Variants in TXNL1 observed in about 807,000 individuals in gnomAD.
TXNL1 encodes thioredoxin like 1.
A neutral mutation model predicts 35.5 loss-of-function variants in TXNL1; 14 were observed. The observed-to-expected ratio is 0.39, with a 90% CI of 0.26 to 0.62. TXNL1 has a LOEUF of 0.62. Among genes scored for constraint, TXNL1 ranks in the 20% least tolerant of loss-of-function variants. TXNL1 has a pLI of 0.47. For synonymous variants in TXNL1, 110 were observed against 115.5 expected, an observed-to-expected ratio of 0.95 and a Z score of 0.31; for missense variants, 263 against 349.7, an observed-to-expected ratio of 0.75 and a Z score of 1.98.
At chr18:56,613,941 G>A (rs1427617795) in intron 6 of TXNL1, among the ~76,000 whole-genome samples, 1 of 151,946 alleles carries the variant, frequency 6.6e-6, no homozygotes, top group Non-Finnish European at 1.5e-5. Flanking sequence ...GCTGAGGCGG[G>A]AAGATTATTT....
intron 3 of TXNL1, among the ~76,000 whole-genome samples, chr18:56,621,934 A>AGGGGCC (rs2144313931): frequency 6.8e-6 from 1 of 147,782 alleles, no homozygotes; most frequent in South Asian, 2.2e-4. Flanking sequence ...CGGCAGGGGC[A>AGGGGCC]GGGGCCAGGG....
At position 56,600,416 on chromosome 18, in the gene TXNL1, T is replaced by C. The variant is rs2023797558; in HGVS notation, c.*2611A>G. ...AACAAAGTGGGGCAGGTTTCAACTC[T>C]AATTGTTACGTGGCTGCCTCCAACA... is the stretch of plus-strand genomic sequence containing the variant. On this transcript the variant is annotated 3_prime_UTR_variant, in exon 8 of 8. Coordinates refer to ENST00000217515, the MANE Select transcript of TXNL1 (RefSeq NM_004786.3). 6.8e-6 allele frequency: 1 copy of C among 146,860 alleles called. No individual in the cohort carries two copies. The highest frequency in any genetic ancestry group is 2.5e-5 in the African/African-American group (1 of 40,128). 9.1% of individuals were successfully genotyped at this position (146,860 alleles called of 1,614,324 possible).
At chr18:56,632,427 T>C (rs553255496) in intron 1 of TXNL1, among the ~76,000 whole-genome samples, 1 of 152,320 alleles carries the variant, frequency 6.6e-6, no homozygotes, top group East Asian at 1.9e-4. Flanking sequence ...ACTTACTGTA[T>C]GTTACGCATT....
chr18:56,630,203 GAAA>G (rs577790535), intron 1 of TXNL1, among the ~76,000 whole-genome samples: 1 of 83,618 alleles, frequency 1.2e-5, no homozygotes, highest in Non-Finnish European at 2.6e-5. Context: ...ACTTGGAAAA[GAAA>G]AAAAAAAAAA....
chr18:56,614,677 C>T, intron 5 of TXNL1, 81 bp from the exon 6 acceptor site: 1 of 1,079,314 alleles, frequency 9.3e-7, no homozygotes. Context: ...TCACACTATA[C>T]ACAGACACAC....
intron 7 of TXNL1, chr18:56,609,901 GA>G: frequency 6.6e-6 from 1 of 152,170 alleles, no homozygotes; most frequent in Non-Finnish European, 1.5e-5. Context: ...ATAGTAATTG[GA>G]AAACAACCAG....
chr18:56,611,031 T>C lies in TXNL1; in HGVS notation c.802A>G (p.Thr268Ala). Residue 268 changes from threonine to alanine, a missense_variant, in exon 7 of 8, where the codon ACT becomes GCT. Coordinates refer to ENST00000217515, the MANE Select transcript of TXNL1 (RefSeq NM_004786.3). ...TRISYFTFIG[T>A]PVQATNMNDF... ...TTCATATTTGTTGCCTGGACTGGAGTACCAATAAAAGTAAAATATGAAATT... is the reference window on the plus strand; with the variant it reads ...TTCATATTTGTTGCCTGGACTGGAGCACCAATAAAAGTAAAATATGAAATT... 2 of 1,608,260 alleles carry C rather than the reference T, an allele frequency of 1.2e-6. No individual in the cohort carries two copies. Among genetic ancestry groups the C allele is most frequent in the Non-Finnish European group, 1.7e-6 (2 of 1,178,050 alleles).
intron 3 of TXNL1, among the ~76,000 whole-genome samples, chr18:56,618,438 G>A (rs1272022645): frequency 2.6e-5 from 4 of 152,114 alleles, no homozygotes. Flanking sequence ...ATATCCGTAA[G>A]ATCCAAAGAA....
At position 56,601,981 on chromosome 18, in the gene TXNL1, CA is replaced by C. The variant is rs1264298810; in HGVS notation, c.*1045del. ...ATTTACACTGCACGTTTTGGTAGTT[CA>C]GGTAATAAATACTTGATTAAGGGTA... On this transcript the variant is annotated 3_prime_UTR_variant, in exon 8 of 8. Coordinates refer to ENST00000217515, the MANE Select transcript of TXNL1 (RefSeq NM_004786.3). 1 of 152,080 alleles carries C rather than the reference CA, an allele frequency of 6.6e-6. No homozygotes were observed. Among genetic ancestry groups the C allele is most frequent in the Non-Finnish European group, 1.5e-5 (1 of 68,012 alleles). The allele number at this position is 152,080 out of a possible 1,614,324, so 9.4% of individuals were successfully genotyped here.
At chr18:56,626,066 G>C (rs537067628) in intron 2 of TXNL1, 1 of 541,058 alleles carries the variant, frequency 1.8e-6, no homozygotes, top group Admixed American at 5.3e-5. Flanking sequence ...ATAATTCTAG[G>C]TTTGCAAAAC....
intron 5 of TXNL1, among the ~76,000 whole-genome samples, chr18:56,615,950 G>A (rs1259873655): frequency 1.3e-5 from 2 of 151,786 alleles, no homozygotes; most frequent in Admixed American, 6.6e-5. Flanking sequence ...GCCAACAGAT[G>A]GTGAAATCCT....
intron 2 of TXNL1, among the ~76,000 whole-genome samples, chr18:56,625,994 A>C (rs911266021): frequency 2.6e-5 from 4 of 152,238 alleles, no homozygotes; most frequent in Non-Finnish European, 5.9e-5. Flanking sequence ...TGATCAATTC[A>C]AACTACAACC....
chr18:56,626,795 G>C (rs991103261), intron 1 of TXNL1, among the ~76,000 whole-genome samples: 1 of 29,050 alleles, frequency 3.4e-5, no homozygotes, highest in Admixed American at 6.1e-4. Flanking sequence ...CACCAAGCCG[G>C]TCTTTTTTTT....
intron 1 of TXNL1, among the ~76,000 whole-genome samples, chr18:56,626,763 T>G (rs2024287654): frequency 1.4e-5 from 2 of 142,848 alleles, no homozygotes; most frequent in South Asian, 4.6e-4. Flanking sequence ...CCTCCCAAAG[T>G]GCTGGGATTA....
In TXNL1 at chr18:56,611,519, T is replaced by A. The variant is rs1053477117; in HGVS notation, c.736-422A>T. ...CTCTGGCTCAAAAAAAAAAAAAAAA[T>A]TAATCAAAATTATATAACATTAAGA... On this transcript the variant is annotated intron_variant, in intron 6 of 7. Coordinates refer to ENST00000217515, the MANE Select transcript of TXNL1 (RefSeq NM_004786.3). Among the ~76,000 whole-genome samples, 17 of 148,928 alleles carry A rather than the reference T, an allele frequency of 1.1e-4. 1 individual carries two copies. The highest frequency in any genetic ancestry group is 4.2e-4 in the South Asian group (2 of 4,714).
At chr18:56,635,373 A>G (rs974903762) in intron 1 of TXNL1, among the ~76,000 whole-genome samples, 1 of 152,262 alleles carries the variant, frequency 6.6e-6, no homozygotes, top group Non-Finnish European at 1.5e-5. Context: ...TGTCCATCAA[A>G]AAATGAACAG....
At chr18:56,617,797 A>C (rs1330151841) in intron 4 of TXNL1, among the ~76,000 whole-genome samples, 1 of 152,240 alleles carries the variant, frequency 6.6e-6, no homozygotes, top group Admixed American at 6.5e-5. Flanking sequence ...AATTTTTCTT[A>C]GTGCACCTGG....
chr18:56,612,175 C>A lies in TXNL1; in HGVS notation c.736-1078G>T, dbSNP rs563785986. ...AGCCACCGCGCCCAGCAATTAAATT[C>A]TTTATAGAGAATGTTGAAAGGGTAT... On this transcript the variant is annotated intron_variant, in intron 6 of 7. Coordinates refer to ENST00000217515, the MANE Select transcript of TXNL1 (RefSeq NM_004786.3). 7.9e-5 allele frequency among the ~76,000 whole-genome samples: 12 copies of A among 151,612 alleles called. No individual in the cohort carries two copies. The East Asian group carries it at 2.1e-3, about 27-fold the overall frequency.
intron 6 of TXNL1, among the ~76,000 whole-genome samples, chr18:56,612,710 C>T (rs1444797187): frequency 6.6e-6 from 1 of 152,116 alleles, no homozygotes; most frequent in African/African-American, 2.4e-5. Flanking sequence ...ATACTTCTTT[C>T]ATTCTGAGAT....
Sources: allele counts gnomAD v4.1 joint callset (sites outside exome capture counted in the v4.1 genomes callset), GRCh38; gene constraint gnomAD v4.1.1; transcripts MANE v1.5; gene names NCBI Gene and HGNC (gene_info 2026-07-23, HGNC 2026-07-21).